Variants in PTPRM observed in about 807,000 individuals in gnomAD.
The protein encoded by PTPRM is protein tyrosine phosphatase receptor type M.
A neutral mutation model predicts 186.7 loss-of-function variants in PTPRM; 47 were observed. That is an observed-to-expected ratio of 0.25 (90% CI 0.20 to 0.32). The LOEUF is 0.32. Ranked by LOEUF, PTPRM falls within the 10% of genes least tolerant of loss-of-function variation. PTPRM has a pLI of 1.00. For missense variants in PTPRM, 1,494 were observed against 1,865.0 expected, an observed-to-expected ratio of 0.80 and a Z score of 3.66; for synonymous variants, 668 against 674.9, an observed-to-expected ratio of 0.99 and a Z score of 0.16.
intron 8 of PTPRM, 131 bp downstream of exon 8, chr18:8,070,125 T>TA: frequency 1.3e-6 from 1 of 798,056 alleles, no homozygotes; most frequent in East Asian, 2.7e-5. Flanking sequence ...TGTGTATCTG[T>TA]ACTCTGTATT....
At chr18:8,274,588 T>C (rs1243023463) in intron 19 of PTPRM, among the ~76,000 whole-genome samples, 1 of 151,306 alleles carries the variant, frequency 6.6e-6, no homozygotes, top group Non-Finnish European at 1.5e-5. Flanking sequence ...GCATTGCTCT[T>C]GGAAGGCCAT....
At chr18:7,766,411 G>A (rs998238135) in intron 1 of PTPRM, among the ~76,000 whole-genome samples, 2 of 152,198 alleles carry the variant, frequency 1.3e-5, no homozygotes, top group African/African-American at 4.8e-5. Context: ...GTTAGCCCAG[G>A]GGCAGAGACA....
chr18:8,333,915 A>T (rs1348301920), intron 22 of PTPRM, among the ~76,000 whole-genome samples: 1 of 152,162 alleles, frequency 6.6e-6, no homozygotes, highest in African/African-American at 2.4e-5. Flanking sequence ...CATTCTGGTG[A>T]TGCGCTCAAA....
chr18:8,210,127 A>G (rs1476514311), intron 14 of PTPRM, among the ~76,000 whole-genome samples: 3 of 152,016 alleles, frequency 2.0e-5, no homozygotes, highest in Non-Finnish European at 2.9e-5. Flanking sequence ...CCTGGCCAAC[A>G]TGGCGAAATC....
At chr18:8,324,563 C>G (rs1481449223) in intron 22 of PTPRM, among the ~76,000 whole-genome samples, 1 of 152,188 alleles carries the variant, frequency 6.6e-6, no homozygotes, top group African/African-American at 2.4e-5. Flanking sequence ...TGTGCTGTCA[C>G]AGAAAAGGTA....
At chr18:7,865,711 C>T (rs772781646) in intron 2 of PTPRM, among the ~76,000 whole-genome samples, 8 of 152,050 alleles carry the variant, frequency 5.3e-5, no homozygotes, top group Non-Finnish European at 8.8e-5. Flanking sequence ...AAATGAGTTA[C>T]GGAGGATTCC....
chr18:7,712,778 A>G (rs1225639564), intron 1 of PTPRM, among the ~76,000 whole-genome samples: 3 of 151,926 alleles, frequency 2.0e-5, no homozygotes, highest in Admixed American at 6.6e-5. Flanking sequence ...CAGAGATTGA[A>G]GATCAACTTA....
At chr18:7,669,318 G>A (rs868626231) in intron 1 of PTPRM, among the ~76,000 whole-genome samples, 3 of 151,526 alleles carry the variant, frequency 2.0e-5, no homozygotes, top group Non-Finnish European at 4.4e-5. Flanking sequence ...ACAATACTAC[G>A]AGAGCCACAC....
chr18:8,048,585 TA>T (rs5822990), intron 7 of PTPRM, among the ~76,000 whole-genome samples: 2,533 of 144,734 alleles, frequency 0.018, 65 homozygotes, highest in African/African-American at 0.055. Context: ...AAGTCTTTTT[TA>T]AAAAAAAAAA....
intron 1 of PTPRM, among the ~76,000 whole-genome samples, chr18:7,739,931 A>G (rs28523525): frequency 0.03 from 4,518 of 152,320 alleles, 219 homozygotes; most frequent in African/African-American, 0.1. Context: ...ATTGACGTGA[A>G]AAAATGTCTT....
chr18:7,676,627 C>CTGTGTGTGTG (rs751900694), intron 1 of PTPRM, among the ~76,000 whole-genome samples: 3 of 141,410 alleles, frequency 2.1e-5, no homozygotes, highest in East Asian at 2.1e-4. Flanking sequence ...GAGATTCTAG[C>CTGTGTGTGTG]TGTGTGTGTG....
At chr18:7,966,462 C>A (rs898378419) in intron 7 of PTPRM, among the ~76,000 whole-genome samples, 4 of 152,094 alleles carry the variant, frequency 2.6e-5, no homozygotes, top group Non-Finnish European at 4.4e-5. Context: ...GCCAAGATGG[C>A]CGAATAGGAA....
intron 13 of PTPRM, 129 bp from the exon 14 acceptor site, chr18:8,143,518 A>C: frequency 1.0e-6 from 1 of 966,066 alleles, no homozygotes; most frequent in Non-Finnish European, 1.5e-6. Context: ...TTAAAAAATC[A>C]AAGCTTGTCT....
At chr18:8,140,996 A>G in intron 13 of PTPRM, among the ~76,000 whole-genome samples, 1 of 152,204 alleles carries the variant, frequency 6.6e-6, no homozygotes, top group Non-Finnish European at 1.5e-5. Context: ...TGTTCTGTCA[A>G]AAATATCCCC....
intron 14 of PTPRM, among the ~76,000 whole-genome samples, chr18:8,172,172 G>A (rs1009072081): frequency 3.3e-5 from 5 of 152,046 alleles, no homozygotes; most frequent in African/African-American, 1.2e-4. Context: ...AGTTCTACGT[G>A]GCTGGGGAGG....
intron 1 of PTPRM, among the ~76,000 whole-genome samples, chr18:7,682,623 C>T (rs1225988031): frequency 6.6e-6 from 1 of 151,992 alleles, no homozygotes; most frequent in African/African-American, 2.4e-5. Context: ...ATAAAAAGAC[C>T]CATTGTGTTG....
At chr18:8,310,378 G>T (rs1407383948) in intron 20 of PTPRM, among the ~76,000 whole-genome samples, 2 of 151,104 alleles carry the variant, frequency 1.3e-5, no homozygotes, top group African/African-American at 4.9e-5. Context: ...CAGGATGAAG[G>T]TCCTAATGAC....
At chr18:7,762,250 A>G (rs2041809969) in intron 1 of PTPRM, among the ~76,000 whole-genome samples, 1 of 152,110 alleles carries the variant, frequency 6.6e-6, no homozygotes, top group Non-Finnish European at 1.5e-5. Context: ...AAAAGCCCTC[A>G]GCAACAGGTA....
intron 2 of PTPRM, among the ~76,000 whole-genome samples, chr18:7,835,188 C>CTTTTTT (rs58193493): frequency 5.5e-5 from 7 of 127,628 alleles, no homozygotes; most frequent in African/African-American, 1.1e-4. Context: ...TGACATTTTT[C>CTTTTTT]TTTTTTTTTT....
Sources: gnomAD v4.1 joint callset for allele counts (sites outside exome capture counted in the v4.1 genomes callset) on GRCh38, gnomAD v4.1.1 for gene constraint, MANE v1.5 for transcripts, NCBI Gene and HGNC (gene_info 2026-07-23, HGNC 2026-07-21) for gene names.